DNAH6: variants seen among roughly 807,000 people sequenced by gnomAD.
The protein encoded by DNAH6 is axonemal beta dynein heavy chain 6.
Under a neutral mutation model 491.4 loss-of-function variants are expected in DNAH6, and 340 were observed. The observed-to-expected ratio is 0.69, with a 90% CI of 0.63 to 0.76. The LOEUF (loss-of-function observed/expected upper bound fraction) is 0.76, where lower values mean the gene tolerates loss of function less well. DNAH6 is among the 30% of genes least tolerant of loss of function. The pLI, the probability that DNAH6 is intolerant of heterozygous loss-of-function variation, is 0.00. For missense variants in DNAH6, 4,443 were observed against 4,972.2 expected, an observed-to-expected ratio of 0.89 and a Z score of 3.20; for synonymous variants, 1,603 against 1,686.1, an observed-to-expected ratio of 0.95 and a Z score of 1.21.
At chr2:84,627,886 A>C (rs1332830400) in intron 29 of DNAH6, among the ~76,000 whole-genome samples, 1 of 152,176 alleles carries the variant, frequency 6.6e-6, no homozygotes, top group Admixed American at 6.5e-5. Context: ...TTATATTTTA[A>C]GCAACAATAA....
intron 45 of DNAH6, among the ~76,000 whole-genome samples, chr2:84,690,196 G>A (rs557028558): frequency 6.6e-6 from 1 of 152,020 alleles, no homozygotes; most frequent in East Asian, 1.9e-4. Flanking sequence ...TTTTAGCGTT[G>A]GTCCTTGTTA....
Position 84,797,534 on chromosome 2 carries a change from C to T in DNAH6, c.11360-3C>T. On this transcript the variant is annotated splice_polypyrimidine_tract_variant and splice_region_variant and intron_variant, in intron 69 of 76. Transcript: ENST00000389394. ...TATTTGTCTTCTGTGTTTTTAATAA[C>T]AGGCATCTATTTTGCACCCATGGCT... 1.9e-6 allele frequency: 3 copies of T among 1,548,418 alleles called. No individual in the cohort carries two copies. Among genetic ancestry groups the T allele is most frequent in the Non-Finnish European group, 2.6e-6 (3 of 1,145,478 alleles).
chr2:84,634,976 T>G (rs1688734384), intron 30 of DNAH6, among the ~76,000 whole-genome samples: 2 of 152,202 alleles, frequency 1.3e-5, no homozygotes. Context: ...CTGGTCACAA[T>G]GGGCAGCACT....
chr2:84,659,129 C>G lies in DNAH6; in HGVS notation c.6044C>G (p.Thr2015Arg). The change falls in exon 37 of 77, where the codon ACA (threonine) becomes AGA (arginine). Residue 2015 changes from threonine to arginine, a missense_variant. Physicochemically the swap from Thr to Arg is moderately conservative, Grantham distance 71. Around this residue, in one of 3 missense-constraint regions of DNAH6, gnomAD observed 2,977 missense variants for 3,296.6 expected, o/e 0.90. Coordinates refer to ENST00000389394, the MANE Select transcript of DNAH6 (RefSeq NM_001370.2). Reference sequence around the variant, plus strand: ...GAAAACTACTATGATTCTTTTGATACATTTATTAGAACACAATTTGATGAT... The same window carrying G: ...GAAAACTACTATGATTCTTTTGATAGATTTATTAGAACACAATTTGATGAT... ...LTENYYDSFD[T>R]FIRTQFDDNP... is the part of the protein sequence containing the mutation. 6.6e-7 allele frequency: 1 copy of G among 1,508,122 alleles called. No homozygotes were observed. Among genetic ancestry groups the G allele is most frequent in the Non-Finnish European group, 9.0e-7 (1 of 1,115,448 alleles). The allele number at this position is 1,508,122 out of a possible 1,614,324, so 93.4% of individuals were successfully genotyped here.
At chr2:84,561,618 G>T (rs934072598) in intron 11 of DNAH6, among the ~76,000 whole-genome samples, 1 of 152,034 alleles carries the variant, frequency 6.6e-6, no homozygotes, top group Non-Finnish European at 1.5e-5. Flanking sequence ...TACAAAATGG[G>T]AGAAAATTTT....
chr2:84,659,398 C>G (rs1456424197), intron 37 of DNAH6, among the ~76,000 whole-genome samples: 1 of 152,080 alleles, frequency 6.6e-6, no homozygotes, highest in Non-Finnish European at 1.5e-5. Flanking sequence ...TATAAAAACT[C>G]TCTACTGTAA....
the DNAH6 span, among the ~76,000 whole-genome samples, chr2:84,488,651 C>A: frequency 6.6e-6 from 1 of 152,082 alleles, no homozygotes; most frequent in Non-Finnish European, 1.5e-5. Flanking sequence ...CTTATGTAGA[C>A]CCTTATGATT....
At chr2:84,561,273 A>C (rs1413269950) in intron 11 of DNAH6, among the ~76,000 whole-genome samples, 3 of 152,232 alleles carry the variant, frequency 2.0e-5, no homozygotes, top group Non-Finnish European at 2.9e-5. Context: ...ACCTGAGAAA[A>C]ACAAGCAATG....
intron 33 of DNAH6, among the ~76,000 whole-genome samples, chr2:84,653,057 T>C (rs528912261): frequency 1.9e-4 from 29 of 152,132 alleles, no homozygotes; most frequent in African/African-American, 6.7e-4. Context: ...GAAAGAAACA[T>C]AAGAGATATC....
chr2:84,683,637 G>A (rs1694020770), intron 42 of DNAH6, among the ~76,000 whole-genome samples: 1 of 151,848 alleles, frequency 6.6e-6, no homozygotes, highest in Admixed American at 6.6e-5. Flanking sequence ...TGGTCAGGCT[G>A]GTTTTGAACT....
intron 64 of DNAH6, among the ~76,000 whole-genome samples, chr2:84,775,211 T>C (rs1676008148): frequency 6.6e-6 from 1 of 152,128 alleles, no homozygotes; most frequent in African/African-American, 2.4e-5. Context: ...TAATAATTTT[T>C]GTCATGAAGA....
At chr2:84,720,113 C>A in intron 59 of DNAH6, among the ~76,000 whole-genome samples, 1 of 151,908 alleles carries the variant, frequency 6.6e-6, no homozygotes. Flanking sequence ...ATCAGAAAAC[C>A]CTCTCTTTTA....
chr2:84,464,281 TC>T, the DNAH6 span, among the ~76,000 whole-genome samples: 1 of 152,142 alleles, frequency 6.6e-6, no homozygotes, highest in African/African-American at 2.4e-5. Flanking sequence ...ACAAGAAACA[TC>T]CCCGCTCGCC....
At chr2:84,506,614 T>A in the DNAH6 span, among the ~76,000 whole-genome samples, 1 of 152,226 alleles carries the variant, frequency 6.6e-6, no homozygotes, top group African/African-American at 2.4e-5. Flanking sequence ...TGCCATTGCT[T>A]TTGGTGTTTT....
chr2:84,751,732 C>T (rs1453918884), intron 63 of DNAH6, among the ~76,000 whole-genome samples: 3 of 152,136 alleles, frequency 2.0e-5, no homozygotes, highest in Non-Finnish European at 4.4e-5. Context: ...AAGACAAGTT[C>T]TCTACACCAG....
chr2:84,762,644 A>G (rs1674699938), intron 63 of DNAH6, 111 bp from the exon 64 acceptor site: 1 of 707,724 alleles, frequency 1.4e-6, no homozygotes. Context: ...TCAAGACAGA[A>G]TAAGTACAAA....
At position 84,805,673 on chromosome 2, in the gene DNAH6, G is replaced by T; in HGVS notation, c.11490G>T (p.Glu3830Asp). 1.3e-6 allele frequency: 2 copies of T among 1,551,062 alleles called. No homozygotes were observed. The highest frequency in any genetic ancestry group is 1.2e-5 in the South Asian group (1 of 83,828). ...ENANLVFQYK[E>D]TSTLINTILE... ...TCTTATTGCCATTACAGTACAAAGAGACCAGCACTTTAATCAACACCATAC... is the reference window on the plus strand; with the variant it reads ...TCTTATTGCCATTACAGTACAAAGATACCAGCACTTTAATCAACACCATAC... Residue 3830 changes from glutamate (E) to aspartate (D), a missense_variant, in exon 71 of 77, where the codon GAG becomes GAT. Glu to Asp is a conservative substitution (Grantham distance 45, BLOSUM62 2). Transcript: ENST00000389394.
At position 84,584,145 on chromosome 2, in the gene DNAH6, A is replaced by G. The variant is rs144088765; in HGVS notation, c.2376A>G (p.Lys792=). The change falls in exon 15 of 77, where the codon AAA becomes AAG. Residue 792 remains lysine (K), a synonymous_variant. Coordinates refer to ENST00000389394, the MANE Select transcript of DNAH6 (RefSeq NM_001370.2). ...TTGCTGTTCGGAATGCCATTGATAAATCAGTGGGTGATAGAGAATCAAGCA... is the reference window on the plus strand; with the variant it reads ...TTGCTGTTCGGAATGCCATTGATAAGTCAGTGGGTGATAGAGAATCAAGCA... ...SIVAVRNAID[K]SVGDRESSIK... 8.7e-6 allele frequency: 14 copies of G among 1,614,060 alleles called. No individual in the cohort carries two copies. The highest frequency in any genetic ancestry group is 6.8e-6 in the Non-Finnish European group (8 of 1,180,026).
chr2:84,715,665 T>G, intron 58 of DNAH6, 38 bp downstream of exon 58: 1 of 1,491,190 alleles, frequency 6.7e-7, no homozygotes, highest in Non-Finnish European at 9.2e-7. Context: ...GAAGGGGGTA[T>G]TGTGGGTTTC....
Sources: allele counts gnomAD v4.1 joint callset (sites outside exome capture counted in the v4.1 genomes callset), GRCh38; gene constraint gnomAD v4.1.1; regional missense constraint gnomAD v4.1.1; transcripts MANE v1.5; gene names NCBI Gene and HGNC (gene_info 2026-07-23, HGNC 2026-07-21).